The following IL1RAPL1 variants were observed in gnomAD, a reference collection of about 807,000 sequenced individuals.
IL1RAPL1 encodes the protein interleukin-1 receptor accessory protein-like 1.
Under a neutral mutation model 48.4 loss-of-function variants are expected in IL1RAPL1, and 3 were observed. The observed-to-expected ratio is 0.06, with a 90% CI of 0.03 to 0.16. IL1RAPL1 has a LOEUF of 0.16. Ranked by LOEUF, IL1RAPL1 falls within the 10% of genes least tolerant of loss-of-function variation. The pLI, the probability that IL1RAPL1 is intolerant of heterozygous loss-of-function variation, is 1.00. For synonymous variants in IL1RAPL1, 185 were observed against 187.7 expected (o/e 0.99, Z 0.12); for missense variants, 349 against 530.6 (o/e 0.66, Z 3.36).
At chrX:29,247,854 T>C (rs958223403) in intron 2 of IL1RAPL1, among the ~76,000 whole-genome samples, 5 of 111,686 alleles carry the variant, frequency 4.5e-5, no homozygotes, top group African/African-American at 1.6e-4. Context: ...AATTTAGACA[T>C]CATGGAAGGA....
chrX:29,901,342 T>C (rs1292136141), intron 6 of IL1RAPL1, among the ~76,000 whole-genome samples: 1 of 111,702 alleles, frequency 9.0e-6, no homozygotes. Context: ...CTGGGACACA[T>C]TTAGTGGTCT....
At chrX:29,919,880 C>A in intron 7 of IL1RAPL1, 69 bp from the exon 8 acceptor site, 1 of 1,040,417 alleles carries the variant, frequency 9.6e-7, no homozygotes, top group Non-Finnish European at 1.4e-6. Context: ...TCGGATTCAT[C>A]TACATTTCTT....
chrX:28,699,091 A>C lies in IL1RAPL1; in HGVS notation c.-24-90229A>C, dbSNP rs927386281. 3.6e-5 allele frequency among the ~76,000 whole-genome samples: 4 copies of C among 112,057 alleles called. No individual in the cohort carries two copies. In the Admixed American group the frequency reaches 3.8e-4, roughly 11 times the overall value. ...ACCCATTGAATCATTCTTTCATCTT[A>C]AGTCACTATTCATAAATGCACATGC... On this transcript the variant is annotated intron_variant, in intron 1 of 10. Coordinates refer to ENST00000378993, the MANE Select transcript of IL1RAPL1 (RefSeq NM_014271.4).
rs1402189162 is a variant in IL1RAPL1, at chrX:28,604,508, C to A, written c.-25+16461C>A. Reference sequence around the variant, plus strand: ...CTTTGGGAGGCCGAGGCGGGTGGATCACGAGGTCAAGAGATCGAGACCATC... The same window carrying A: ...CTTTGGGAGGCCGAGGCGGGTGGATAACGAGGTCAAGAGATCGAGACCATC... On this transcript the variant is annotated intron_variant, in intron 1 of 10. Coordinates refer to ENST00000378993, the MANE Select transcript of IL1RAPL1 (RefSeq NM_014271.4). Among the ~76,000 whole-genome samples the A allele has an allele frequency of 3.6e-5, 4 of 110,294 alleles. No individual in the cohort carries two copies. In the Admixed American group the frequency reaches 3.9e-4, roughly 11 times the overall value.
chrX:28,618,126 T>C (rs1329232265), intron 1 of IL1RAPL1, among the ~76,000 whole-genome samples: 1 of 112,205 alleles, frequency 8.9e-6, no homozygotes, highest in African/African-American at 3.2e-5. Flanking sequence ...TTCAAGTGTA[T>C]GATTCTGCTT....
chrX:29,925,412 GTTTTTTTTT>G (rs763481708), intron 8 of IL1RAPL1, among the ~76,000 whole-genome samples: 206 of 11,455 alleles, frequency 0.018, 3 homozygotes, highest in African/African-American at 0.069. Context: ...TCCCGTAACT[GTTTTTTTTT>G]TTTTTTTTTT....
chrX:29,451,169 A>C (rs890912551), intron 5 of IL1RAPL1, among the ~76,000 whole-genome samples: 24 of 107,683 alleles, frequency 2.2e-4, no homozygotes, highest in African/African-American at 7.0e-4. Context: ...CTTTTTTATT[A>C]TTTTTATTTT....
rs1018461047 is a variant in IL1RAPL1, at chrX:29,026,425, G to T, written c.82+237000G>T. ...CACCAGGGCCAGTTGGGTGGTGGGG[G>T]GTGAGGGGAGGAAGAGCATTAGGAC... On this transcript the variant is annotated intron_variant, in intron 2 of 10. Coordinates refer to ENST00000378993, the MANE Select transcript of IL1RAPL1 (RefSeq NM_014271.4). 2.7e-5 allele frequency among the ~76,000 whole-genome samples: 3 copies of T among 110,853 alleles called. No individual in the cohort carries two copies. In the South Asian group the frequency reaches 1.2e-3, roughly 43 times the overall value.
At chrX:29,236,525 C>T (rs1049978309) in intron 2 of IL1RAPL1, among the ~76,000 whole-genome samples, 7 of 56,891 alleles carry the variant, frequency 1.2e-4, no homozygotes, top group East Asian at 8.8e-4. Flanking sequence ...TTTTTTTTTC[C>T]TTTCTTTTTC....
chrX:29,911,147 T>TG (rs1396009978), intron 6 of IL1RAPL1, among the ~76,000 whole-genome samples: 1 of 111,465 alleles, frequency 9.0e-6, no homozygotes, highest in Non-Finnish European at 1.9e-5. Context: ...AATCAACATA[T>TG]GGGATATATT....
At chrX:28,784,303 TG>T (rs1936452600) in intron 1 of IL1RAPL1, among the ~76,000 whole-genome samples, 1 of 112,172 alleles carries the variant, frequency 8.9e-6, no homozygotes, top group Admixed American at 9.5e-5. Flanking sequence ...GAAAAATGGT[TG>T]CTTTAATCTT....
At chrX:29,350,117 A>G (rs763549332) in intron 3 of IL1RAPL1, among the ~76,000 whole-genome samples, 6 of 99,373 alleles carry the variant, frequency 6.0e-5, no homozygotes, top group African/African-American at 1.2e-4. Flanking sequence ...GTTTCCAGTC[A>G]TATCACTGTC....
intron 6 of IL1RAPL1, among the ~76,000 whole-genome samples, chrX:29,754,494 C>T (rs917266779): frequency 8.9e-6 from 1 of 112,094 alleles, no homozygotes; most frequent in East Asian, 2.8e-4. Flanking sequence ...AATTCTTGCA[C>T]ATCTATAATC....
chrX:29,933,657 C>CAAA (rs1217616087), intron 8 of IL1RAPL1, among the ~76,000 whole-genome samples: 15 of 34,115 alleles, frequency 4.4e-4, no homozygotes, highest in African/African-American at 1.0e-3. Flanking sequence ...ACAAAATAGA[C>CAAA]AAAAAAAAAA....
intron 2 of IL1RAPL1, among the ~76,000 whole-genome samples, chrX:29,098,284 A>C (rs934136735): frequency 4.6e-5 from 5 of 109,862 alleles, no homozygotes; most frequent in African/African-American, 1.7e-4. Context: ...CTCTCCTTTT[A>C]CACTTCCTTT....
At chrX:28,850,765 C>T (rs1327731117) in intron 2 of IL1RAPL1, among the ~76,000 whole-genome samples, 2 of 109,656 alleles carry the variant, frequency 1.8e-5, no homozygotes, top group African/African-American at 6.7e-5. Flanking sequence ...ATGTTTGGGC[C>T]CCTTATTCGT....
intron 2 of IL1RAPL1, among the ~76,000 whole-genome samples, chrX:28,979,147 C>T (rs1925272726): frequency 9.0e-6 from 1 of 111,610 alleles, no homozygotes; most frequent in Non-Finnish European, 1.9e-5. Context: ...TTGTTTTCAA[C>T]AGACATTTAA....
At chrX:28,867,271 G>T (rs1217942096) in intron 2 of IL1RAPL1, among the ~76,000 whole-genome samples, 1 of 111,847 alleles carries the variant, frequency 8.9e-6, no homozygotes, top group African/African-American at 3.3e-5. Flanking sequence ...TAGAGGAATA[G>T]AGCATGCCTT....
intron 1 of IL1RAPL1, among the ~76,000 whole-genome samples, chrX:28,733,419 C>T (rs1935780653): frequency 9.0e-6 from 1 of 110,577 alleles, no homozygotes; most frequent in African/African-American, 3.3e-5. Flanking sequence ...AGACCTCTTC[C>T]AGTCTGGGTT....
Sources: gnomAD v4.1 joint callset for allele counts (sites outside exome capture counted in the v4.1 genomes callset) on GRCh38, gnomAD v4.1.1 for gene constraint, MANE v1.5 for transcripts, NCBI Gene and HGNC (gene_info 2026-07-23, HGNC 2026-07-21) for gene names.